The following HYAL4 variants were observed in gnomAD, a reference collection of about 807,000 sequenced individuals.
HYAL4 encodes hyaluronidase 4.
In HYAL4, 37 loss-of-function variants were observed where a neutral mutation model predicts 35.2. The observed-to-expected ratio is 1.05, with a 90% CI of 0.81 to 1.38. HYAL4 has a LOEUF of 1.38. Ranked by LOEUF, HYAL4 falls within the 40% of genes most tolerant of loss-of-function variation. The pLI is 0.00. For missense variants in HYAL4, 572 were observed against 572.4 expected (o/e 1.00, Z 0.01); for synonymous variants, 198 against 203.2 (o/e 0.97, Z 0.22).
intron 4 of HYAL4, chr7:123,875,909 C>T (rs1479830626): frequency 2.5e-6 from 1 of 401,290 alleles, no homozygotes; most frequent in Non-Finnish European, 4.9e-6. Context: ...ATATTATTCT[C>T]AGAATTTCAC....
chr7:123,775,052 T>C, the HYAL4 span, among the ~76,000 whole-genome samples: 2 of 152,236 alleles, frequency 1.3e-5, no homozygotes, highest in African/African-American at 4.8e-5. Context: ...AGCTTAGTGC[T>C]TGTTGCATTG....
chr7:123,786,861 A>G, the HYAL4 span, among the ~76,000 whole-genome samples: 15 of 152,142 alleles, frequency 9.9e-5, no homozygotes, highest in East Asian at 2.5e-3. Context: ...TAATCCCAGC[A>G]CTTTGAGAAG....
the HYAL4 span, among the ~76,000 whole-genome samples, chr7:123,768,403 A>G: frequency 6.6e-6 from 1 of 152,230 alleles, no homozygotes; most frequent in Non-Finnish European, 1.5e-5. Context: ...CTATCTTATT[A>G]GGATATTTCC....
At chr7:123,837,725 G>A (rs1838885292) in intron 1 of HYAL4, among the ~76,000 whole-genome samples, 1 of 129,670 alleles carries the variant, frequency 7.7e-6, no homozygotes, top group Admixed American at 1.0e-4. Flanking sequence ...CCCTTCCTGT[G>A]TTCTCATTGT....
intron 3 of HYAL4, among the ~76,000 whole-genome samples, chr7:123,874,185 C>T (rs1806951862): frequency 6.6e-6 from 1 of 152,184 alleles, no homozygotes; most frequent in Non-Finnish European, 1.5e-5. Flanking sequence ...TATTTACAGC[C>T]TCATTGCCTT....
chr7:123,811,762 TC>T, the HYAL4 span, among the ~76,000 whole-genome samples: 1 of 152,118 alleles, frequency 6.6e-6, no homozygotes, highest in Non-Finnish European at 1.5e-5. Flanking sequence ...TCTAAGGTAA[TC>T]TAAATTTTCT....
chr7:123,875,140 A>G (rs1806977665), intron 4 of HYAL4, among the ~76,000 whole-genome samples: 1 of 152,214 alleles, frequency 6.6e-6, no homozygotes, highest in Admixed American at 6.5e-5. Context: ...ATCCTCATTT[A>G]CAGATGGTGA....
chr7:123,806,391 T>C, the HYAL4 span, among the ~76,000 whole-genome samples: 3 of 152,120 alleles, frequency 2.0e-5, no homozygotes, highest in African/African-American at 7.2e-5. Flanking sequence ...TGGGAAATAC[T>C]GCCAATTTCT....
At chr7:123,780,383 A>G in the HYAL4 span, among the ~76,000 whole-genome samples, 12 of 152,206 alleles carry the variant, frequency 7.9e-5, no homozygotes, top group African/African-American at 2.9e-4. Flanking sequence ...AAACAGGGAT[A>G]AAAACGTATC....
chr7:123,798,814 A>T, the HYAL4 span, among the ~76,000 whole-genome samples: 2 of 152,184 alleles, frequency 1.3e-5, no homozygotes, highest in Non-Finnish European at 2.9e-5. Flanking sequence ...CATATTTAGG[A>T]TGAAGCAGCT....
intron 2 of HYAL4, among the ~76,000 whole-genome samples, chr7:123,862,512 G>A (rs912066600): frequency 6.6e-6 from 1 of 152,260 alleles, no homozygotes; most frequent in African/African-American, 2.4e-5. Context: ...CACTCTAATC[G>A]TAAAGATCAG....
At chr7:123,855,038 T>G (rs1806400979) in intron 2 of HYAL4, among the ~76,000 whole-genome samples, 1 of 152,186 alleles carries the variant, frequency 6.6e-6, no homozygotes, top group Admixed American at 6.5e-5. Flanking sequence ...AGACTAGGAA[T>G]GCAACCCCTG....
intron 1 of HYAL4, among the ~76,000 whole-genome samples, chr7:123,832,897 C>T (rs1442425549): frequency 6.6e-6 from 1 of 152,170 alleles, no homozygotes; most frequent in Non-Finnish European, 1.5e-5. Context: ...ATAATAGTCT[C>T]TAATCCCATC....
chr7:123,779,331 C>T, the HYAL4 span, among the ~76,000 whole-genome samples: 1 of 152,062 alleles, frequency 6.6e-6, no homozygotes, highest in African/African-American at 2.4e-5. Context: ...ATGAGTGCTA[C>T]AACCTAACAT....
At chr7:123,837,586 T>C (rs181028409) in intron 1 of HYAL4, among the ~76,000 whole-genome samples, 25 of 152,248 alleles carry the variant, frequency 1.6e-4, no homozygotes, top group African/African-American at 5.8e-4. Flanking sequence ...GCAAATTAGT[T>C]ACATATGTAT....
chr7:123,776,131 C>T, the HYAL4 span, among the ~76,000 whole-genome samples: 6 of 152,196 alleles, frequency 3.9e-5, no homozygotes, highest in African/African-American at 7.2e-5. Context: ...TCTGCTTATA[C>T]GGCAAAGATC....
At chr7:123,791,183 T>G in the HYAL4 span, among the ~76,000 whole-genome samples, 3 of 152,176 alleles carry the variant, frequency 2.0e-5, no homozygotes, top group Non-Finnish European at 4.4e-5. Context: ...TTTCACAGCA[T>G]GTAGAATGGT....
At chr7:123,851,509 T>G (rs983474514) in intron 2 of HYAL4, among the ~76,000 whole-genome samples, 81 of 152,296 alleles carry the variant, frequency 5.3e-4, no homozygotes, top group African/African-American at 1.9e-3. Context: ...TTTCTCTTCC[T>G]GTGTTAGTGT....
chr7:123,842,392 T>G (rs1004341733), upstream of HYAL4, among the ~76,000 whole-genome samples: 5 of 152,188 alleles, frequency 3.3e-5, no homozygotes, highest in South Asian at 2.1e-4. Flanking sequence ...TCTTTTACAT[T>G]TGCTGAGGAG....
Sources: gnomAD v4.1 joint callset for allele counts (sites outside exome capture counted in the v4.1 genomes callset) on GRCh38, gnomAD v4.1.1 for gene constraint, MANE v1.5 for transcripts, NCBI Gene and HGNC (gene_info 2026-07-23, HGNC 2026-07-21) for gene names.